The following MAGI2 variants were observed in gnomAD, a reference collection of about 807,000 sequenced individuals.
MAGI2 encodes membrane associated guanylate kinase, WW and PDZ domain containing 2.
In MAGI2, 35 loss-of-function variants were observed where a neutral mutation model predicts 133.3. The ratio of observed to expected loss-of-function variants is 0.26; its 90% confidence interval spans 0.20 to 0.35. The LOEUF (loss-of-function observed/expected upper bound fraction) is 0.35. Among genes scored for constraint, MAGI2 ranks in the 10% least tolerant of loss-of-function variants. The pLI, the probability that MAGI2 is intolerant of heterozygous loss-of-function variation, is 1.00. For synonymous variants in MAGI2, 729 were observed against 710.6 expected (o/e 1.03, Z -0.41); for missense variants, 1,636 against 1,863.4 (o/e 0.88, Z 2.25).
chr7:78,579,861 A>G (rs181359592), intron 3 of MAGI2, among the ~76,000 whole-genome samples: 13 of 152,268 alleles, frequency 8.5e-5, no homozygotes, highest in Admixed American at 7.2e-4. Flanking sequence ...TCTTCCCTAC[A>G]CTAGTCTAAA....
chr7:78,096,610 G>T (rs1226701790), intron 20 of MAGI2, among the ~76,000 whole-genome samples: 1 of 152,108 alleles, frequency 6.6e-6, no homozygotes, highest in African/African-American at 2.4e-5. Context: ...GTGACCCATA[G>T]GTCAAATCCA....
At chr7:78,643,469 T>A (rs954997945) in intron 2 of MAGI2, among the ~76,000 whole-genome samples, 2 of 152,078 alleles carry the variant, frequency 1.3e-5, no homozygotes, top group African/African-American at 4.8e-5. Context: ...ATAATAGAAA[T>A]GACTTGTAGA....
chr7:78,447,842 T>A (rs1463552995), intron 6 of MAGI2, among the ~76,000 whole-genome samples: 1 of 152,134 alleles, frequency 6.6e-6, no homozygotes, highest in Non-Finnish European at 1.5e-5. Context: ...TAACCATAGT[T>A]ACCCACTGTG....
intron 3 of MAGI2, among the ~76,000 whole-genome samples, chr7:78,555,223 CA>C (rs1563162983): frequency 0.091 from 12,412 of 136,042 alleles, 615 homozygotes; most frequent in African/African-American, 0.13. Flanking sequence ...GATAGATAGA[CA>C]GATAGATAGA....
At chr7:78,876,252 G>A (rs1172760197) in intron 2 of MAGI2, among the ~76,000 whole-genome samples, 1 of 139,340 alleles carries the variant, frequency 7.2e-6, no homozygotes, top group African/African-American at 2.6e-5. Context: ...AACCCAGGAG[G>A]TGGACATTGT....
In MAGI2 at chr7:78,256,595, A is replaced by G; in HGVS notation, c.1409-14T>C. 2 of 1,602,264 alleles carry G rather than the reference A, an allele frequency of 1.2e-6. No individual in the cohort carries two copies. Among genetic ancestry groups the G allele is most frequent in the Non-Finnish European group, 1.7e-6 (2 of 1,175,136 alleles). On this transcript the variant is annotated splice_polypyrimidine_tract_variant and intron_variant, in intron 9 of 21. Coordinates refer to ENST00000354212, the MANE Select transcript of MAGI2 (RefSeq NM_012301.4). ...CAATGACATCACCTGTAAGAAAAAA[A>G]GAGATTGACAACATGAGGTAAGTTC...
chr7:79,406,142 C>T (rs1048169880), intron 1 of MAGI2, among the ~76,000 whole-genome samples: 3 of 151,802 alleles, frequency 2.0e-5, no homozygotes, highest in South Asian at 4.2e-4. Context: ...GGAAGTTTTC[C>T]GGGTTGATAG....
chr7:78,466,502 G>A (rs912518151), intron 6 of MAGI2, among the ~76,000 whole-genome samples: 1 of 152,170 alleles, frequency 6.6e-6, no homozygotes, highest in African/African-American at 2.4e-5. Flanking sequence ...GTGTTATTTT[G>A]AATATATCAG....
At chr7:78,861,953 C>T (rs1052069885) in intron 2 of MAGI2, among the ~76,000 whole-genome samples, 1 of 152,086 alleles carries the variant, frequency 6.6e-6, no homozygotes, top group Non-Finnish European at 1.5e-5. Flanking sequence ...TTCTTACTGA[C>T]CTATTTATTA....
chr7:78,951,925 C>G (rs1801905923), intron 2 of MAGI2, among the ~76,000 whole-genome samples: 2 of 152,156 alleles, frequency 1.3e-5, no homozygotes, highest in Non-Finnish European at 2.9e-5. Context: ...ACTATTTCTT[C>G]TCTTCTAATA....
intron 2 of MAGI2, among the ~76,000 whole-genome samples, chr7:78,911,525 C>T (rs1798397113): frequency 6.6e-6 from 1 of 152,066 alleles, no homozygotes; most frequent in Non-Finnish European, 1.5e-5. Context: ...TGTCCCTCAC[C>T]AGACACTAAA....
At chr7:79,000,868 A>G (rs947593346) in intron 2 of MAGI2, among the ~76,000 whole-genome samples, 1 of 152,182 alleles carries the variant, frequency 6.6e-6, no homozygotes, top group African/African-American at 2.4e-5. Context: ...GTGTAATTCA[A>G]TCAGGTCTTC....
At chr7:78,733,985 C>T (rs1391971323) in intron 2 of MAGI2, among the ~76,000 whole-genome samples, 1 of 152,148 alleles carries the variant, frequency 6.6e-6, no homozygotes, top group Non-Finnish European at 1.5e-5. Context: ...AATTAATATA[C>T]TGTCTCAGTA....
At chr7:79,171,544 A>G (rs889479251) in intron 1 of MAGI2, among the ~76,000 whole-genome samples, 1 of 151,344 alleles carries the variant, frequency 6.6e-6, no homozygotes, top group African/African-American at 2.4e-5. Flanking sequence ...TATCCCCTCA[A>G]AAATTAGTGG....
At chr7:78,069,041 A>G (rs900100399) in intron 21 of MAGI2, among the ~76,000 whole-genome samples, 1 of 152,166 alleles carries the variant, frequency 6.6e-6, no homozygotes. Flanking sequence ...ACTCTCCGTA[A>G]TGAGGAGAGC....
chr7:78,724,038 A>G (rs1247602917), intron 2 of MAGI2, among the ~76,000 whole-genome samples: 1 of 152,180 alleles, frequency 6.6e-6, no homozygotes, highest in Non-Finnish European at 1.5e-5. Context: ...TGCTGCACAG[A>G]AAGTCAATCA....
At chr7:78,331,491 AC>A (rs937681111) in intron 9 of MAGI2, among the ~76,000 whole-genome samples, 10 of 152,226 alleles carry the variant, frequency 6.6e-5, no homozygotes, top group Admixed American at 4.6e-4. Context: ...TTGGACCTAC[AC>A]TTAAAAAGCT....
intron 1 of MAGI2, among the ~76,000 whole-genome samples, chr7:79,285,622 C>A (rs1835942474): frequency 6.6e-6 from 1 of 152,004 alleles, no homozygotes; most frequent in Admixed American, 6.6e-5. Context: ...CTTTTTTATT[C>A]TTTTAAATCT....
intron 21 of MAGI2, among the ~76,000 whole-genome samples, chr7:78,062,810 G>A (rs565194474): frequency 1.3e-5 from 2 of 152,264 alleles, no homozygotes; most frequent in South Asian, 4.1e-4. Flanking sequence ...CTGAAGCTCA[G>A]TAAGTCCAAA....
Sources: gnomAD v4.1 joint callset for allele counts (sites outside exome capture counted in the v4.1 genomes callset) on GRCh38, gnomAD v4.1.1 for gene constraint, MANE v1.5 for transcripts, NCBI Gene and HGNC (gene_info 2026-07-23, HGNC 2026-07-21) for gene names.